Variants in EPHA6 observed in about 807,000 individuals in gnomAD.
The protein encoded by EPHA6 is ephrin type-A receptor 6.
In EPHA6, 50 loss-of-function variants were observed where a neutral mutation model predicts 112.0. That is an observed-to-expected ratio of 0.45 (90% CI 0.36 to 0.56). EPHA6 has a LOEUF of 0.56. EPHA6 is among the 20% of genes least tolerant of loss of function. EPHA6 has a pLI of 0.00. For missense variants in EPHA6, 1,280 were observed against 1,417.4 expected, an observed-to-expected ratio of 0.90 and a Z score of 1.56; for synonymous variants, 529 against 490.7, an observed-to-expected ratio of 1.08 and a Z score of -1.03.
At chr3:97,045,711 A>C (rs1021389141) in intron 3 of EPHA6, among the ~76,000 whole-genome samples, 2 of 152,098 alleles carry the variant, frequency 1.3e-5, no homozygotes, top group African/African-American at 4.8e-5. Flanking sequence ...CCCGTTACAC[A>C]GAGACAACAT....
chr3:97,332,450 A>G (rs1464814075), intron 5 of EPHA6, among the ~76,000 whole-genome samples: 2 of 152,086 alleles, frequency 1.3e-5, no homozygotes, highest in African/African-American at 4.8e-5. Context: ...TTCAATTAGG[A>G]AAAGAGGAAG....
chr3:96,888,367 G>A (rs1021115717), intron 2 of EPHA6, among the ~76,000 whole-genome samples: 2 of 152,136 alleles, frequency 1.3e-5, no homozygotes, highest in African/African-American at 4.8e-5. Context: ...ACCAGTTGGG[G>A]TGTATGTTGG....
intron 13 of EPHA6, among the ~76,000 whole-genome samples, chr3:97,612,845 T>C (rs976822983): frequency 7.9e-5 from 12 of 152,046 alleles, no homozygotes; most frequent in African/African-American, 2.4e-4. Flanking sequence ...ATTATAAAGA[T>C]TGATTGTTGT....
In EPHA6 at chr3:97,513,245, C is replaced by T. The variant is rs749200981; in HGVS notation, c.2201-19113C>T. On this transcript the variant is annotated intron_variant, in intron 10 of 17. Coordinates refer to ENST00000389672, the MANE Select transcript of EPHA6 (RefSeq NM_001080448.3). ...ATGGTAGACAACAGTGTGGAAGTTC[C>T]TCAAAAAATGAAAAATAGCACTACC... is the stretch of plus-strand genomic sequence containing the variant. 1.3e-5 allele frequency among the ~76,000 whole-genome samples: 2 copies of T among 152,076 alleles called. 1 individual carries two copies. Among genetic ancestry groups the T allele is most frequent in the Non-Finnish European group, 2.9e-5 (2 of 68,010 alleles).
At chr3:97,020,260 G>A (rs1286630063) in intron 3 of EPHA6, among the ~76,000 whole-genome samples, 1 of 152,154 alleles carries the variant, frequency 6.6e-6, no homozygotes, top group East Asian at 1.9e-4. Context: ...TGACCTCAGT[G>A]AATCCCCAGA....
chr3:97,417,408 TTTC>T (rs2088215684), intron 6 of EPHA6, among the ~76,000 whole-genome samples: 2 of 152,138 alleles, frequency 1.3e-5, no homozygotes, highest in African/African-American at 4.8e-5. Context: ...ACTCCTACTT[TTTC>T]TTTTTTTAAT....
chr3:97,189,232 T>C (rs1454872005), intron 3 of EPHA6, among the ~76,000 whole-genome samples: 1 of 151,972 alleles, frequency 6.6e-6, no homozygotes, highest in African/African-American at 2.4e-5. Flanking sequence ...CTTTATGATA[T>C]GAGATGTGCC....
chr3:97,044,085 C>A (rs1238119280), intron 3 of EPHA6, among the ~76,000 whole-genome samples: 1 of 152,190 alleles, frequency 6.6e-6, no homozygotes, highest in Non-Finnish European at 1.5e-5. Context: ...ATCCTTCATA[C>A]ATGTACAGAT....
intron 11 of EPHA6, among the ~76,000 whole-genome samples, chr3:97,575,837 G>A (rs1431912606): frequency 6.6e-6 from 1 of 152,094 alleles, no homozygotes; most frequent in Non-Finnish European, 1.5e-5. Context: ...ATAATCCAGA[G>A]TAAAAAATAT....
At chr3:97,014,578 A>G (rs994760229) in intron 3 of EPHA6, among the ~76,000 whole-genome samples, 1 of 152,182 alleles carries the variant, frequency 6.6e-6, no homozygotes. Flanking sequence ...TATACGTGGC[A>G]TTCTTAGGAA....
intron 3 of EPHA6, among the ~76,000 whole-genome samples, chr3:97,203,653 A>C (rs2077636821): frequency 6.6e-6 from 1 of 152,058 alleles, no homozygotes; most frequent in South Asian, 2.1e-4. Context: ...AAACAAAAAA[A>C]CAGTTTGGGA....
chr3:97,349,187 A>G (rs979012175), intron 5 of EPHA6, among the ~76,000 whole-genome samples: 1 of 152,056 alleles, frequency 6.6e-6, no homozygotes, highest in African/African-American at 2.4e-5. Flanking sequence ...TCAAAATTCA[A>G]TTTTAGTCTT....
intron 3 of EPHA6, among the ~76,000 whole-genome samples, chr3:97,058,206 T>C (rs926327622): frequency 4.6e-5 from 7 of 152,066 alleles, no homozygotes; most frequent in South Asian, 2.1e-4. Flanking sequence ...TATATAAATA[T>C]GTGAAAAAAA....
chr3:97,484,226 C>G (rs1362938239), intron 10 of EPHA6, among the ~76,000 whole-genome samples, 167 bp downstream of exon 10: 1 of 151,888 alleles, frequency 6.6e-6, no homozygotes, highest in East Asian at 1.9e-4. Context: ...TATTTAGTGT[C>G]CATTTGTTTC....
intron 3 of EPHA6, among the ~76,000 whole-genome samples, chr3:97,102,079 CTCTGGACT>C (rs1348663430): frequency 1.3e-5 from 2 of 152,052 alleles, no homozygotes; most frequent in Admixed American, 1.3e-4. Flanking sequence ...TGCCCCTTTT[CTCTGGACT>C]TCTTGGTACT....
chr3:97,216,693 C>T (rs919318357), intron 3 of EPHA6, among the ~76,000 whole-genome samples: 10 of 152,138 alleles, frequency 6.6e-5, no homozygotes, highest in African/African-American at 2.4e-4. Context: ...TAAACTCCTC[C>T]AGTGATATTT....
Position 97,295,486 on chromosome 3 carries a change from A to G in EPHA6, c.1606+51199A>G, listed in dbSNP as rs145791108. Among the ~76,000 whole-genome samples, 804 of 149,654 alleles carry G rather than the reference A, an allele frequency of 5.4e-3. 5 individuals are homozygous for G. Among genetic ancestry groups the G allele is most frequent in the African/African-American group, 0.017 (682 of 40,788 alleles). On this transcript the variant is annotated intron_variant, in intron 5 of 17. Coordinates refer to ENST00000389672, the MANE Select transcript of EPHA6 (RefSeq NM_001080448.3). ...ATCCATATCCCTAATTGATATTCTGATTTATTTGTATTGTTTGTTTGTGTT... is the reference window on the plus strand; with the variant it reads ...ATCCATATCCCTAATTGATATTCTGGTTTATTTGTATTGTTTGTTTGTGTT...
chr3:96,946,862 C>T (rs1371281271), intron 2 of EPHA6, among the ~76,000 whole-genome samples: 2 of 152,102 alleles, frequency 1.3e-5, no homozygotes, highest in Non-Finnish European at 2.9e-5. Context: ...TTAATGATCA[C>T]CATTCCAATT....
chr3:97,654,808 G>T (rs1182138491), intron 14 of EPHA6, among the ~76,000 whole-genome samples: 1 of 151,828 alleles, frequency 6.6e-6, no homozygotes, highest in Non-Finnish European at 1.5e-5. Flanking sequence ...AACTCAAAGG[G>T]CATGGAAAAG....
Sources: allele counts gnomAD v4.1 joint callset (sites outside exome capture counted in the v4.1 genomes callset), GRCh38; gene constraint gnomAD v4.1.1; transcripts MANE v1.5; gene names NCBI Gene and HGNC (gene_info 2026-07-23, HGNC 2026-07-21).